KHDRBS2: variants seen among roughly 807,000 people sequenced by gnomAD.
KHDRBS2 encodes the protein KH domain-containing, RNA-binding, signal transduction-associated protein 2.
A neutral mutation model predicts 44.3 loss-of-function variants in KHDRBS2; 26 were observed. The observed-to-expected ratio is 0.59, with a 90% CI of 0.43 to 0.81. The LOEUF is 0.81. Ranked by LOEUF, KHDRBS2 falls within the 40% of genes least tolerant of loss-of-function variation. KHDRBS2 has a pLI of 0.00. For missense variants in KHDRBS2, 476 were observed against 433.1 expected, an observed-to-expected ratio of 1.10 and a Z score of -0.88; for synonymous variants, 194 against 151.1, an observed-to-expected ratio of 1.28 and a Z score of -2.08.
intron 2 of KHDRBS2, among the ~76,000 whole-genome samples, chr6:62,086,168 G>C (rs1313931198): frequency 1.3e-5 from 2 of 152,110 alleles, no homozygotes; most frequent in African/African-American, 4.8e-5. Flanking sequence ...ATATATATAA[G>C]GGTAAAGAAG....
At chr6:62,209,752 T>C (rs1195200536) in intron 1 of KHDRBS2, among the ~76,000 whole-genome samples, 2 of 152,278 alleles carry the variant, frequency 1.3e-5, no homozygotes, top group African/African-American at 4.8e-5. Flanking sequence ...GCAGAAGAAG[T>C]TGGAAGAACT....
At chr6:61,616,489 AT>A in the KHDRBS2 span, among the ~76,000 whole-genome samples, 1 of 149,476 alleles carries the variant, frequency 6.7e-6, no homozygotes, top group Non-Finnish European at 1.5e-5. Context: ...ATATATATAT[AT>A]ATATATATAA....
At chr6:61,943,018 GAA>G (rs1491429700) in intron 4 of KHDRBS2, among the ~76,000 whole-genome samples, 6 of 130,632 alleles carry the variant, frequency 4.6e-5, no homozygotes, top group Non-Finnish European at 1.6e-5. Flanking sequence ...GAGAGAGAGA[GAA>G]AGGAAGGAAG....
At chr6:62,133,879 G>A (rs560270928) in intron 2 of KHDRBS2, among the ~76,000 whole-genome samples, 7 of 152,224 alleles carry the variant, frequency 4.6e-5, no homozygotes, top group African/African-American at 1.7e-4. Flanking sequence ...GATGATTTAG[G>A]GTATCCGGTG....
intron 2 of KHDRBS2, among the ~76,000 whole-genome samples, chr6:62,114,137 C>T (rs1029860143): frequency 2.6e-5 from 4 of 152,072 alleles, no homozygotes; most frequent in East Asian, 1.9e-4. Context: ...GATTCACTTA[C>T]GTCCTACTAG....
At chr6:61,894,106 T>C (rs1802490113) in intron 6 of KHDRBS2, among the ~76,000 whole-genome samples, 1 of 152,100 alleles carries the variant, frequency 6.6e-6, no homozygotes. Flanking sequence ...GGGAGGGGGA[T>C]GCTTGGAAAC....
intron 1 of KHDRBS2, among the ~76,000 whole-genome samples, chr6:62,190,948 T>G (rs1418253867): frequency 6.6e-6 from 1 of 152,110 alleles, no homozygotes; most frequent in African/African-American, 2.4e-5. Flanking sequence ...CCCATCATTC[T>G]CACCTGAATA....
At chr6:62,099,977 T>C (rs973682145) in intron 2 of KHDRBS2, among the ~76,000 whole-genome samples, 4 of 152,218 alleles carry the variant, frequency 2.6e-5, no homozygotes, top group African/African-American at 9.6e-5. Context: ...CTGTCACAGA[T>C]AGTGATTTCT....
chr6:61,945,132 T>C (rs1192964740), intron 4 of KHDRBS2, among the ~76,000 whole-genome samples: 1 of 98,134 alleles, frequency 1.0e-5, no homozygotes, highest in Non-Finnish European at 2.1e-5. Context: ...TATATATATA[T>C]ATATATATAT....
At chr6:61,678,554 C>T (rs928528628), downstream of KHDRBS2, among the ~76,000 whole-genome samples, 1 of 151,896 alleles carries the variant, frequency 6.6e-6, no homozygotes, top group African/African-American at 2.4e-5. Context: ...TCTCCTATAA[C>T]CAAGTTTTAT....
chr6:62,130,368 T>C (rs758415614), intron 2 of KHDRBS2, among the ~76,000 whole-genome samples: 2 of 152,210 alleles, frequency 1.3e-5, no homozygotes, highest in Non-Finnish European at 2.9e-5. Context: ...TGTAATCAGA[T>C]ACCTATGCCG....
chr6:62,021,364 G>C (rs1470758667), intron 3 of KHDRBS2, among the ~76,000 whole-genome samples: 1 of 151,724 alleles, frequency 6.6e-6, no homozygotes, highest in African/African-American at 2.4e-5. Context: ...CCATGACACA[G>C]GTTTACCTAT....
intron 8 of KHDRBS2, among the ~76,000 whole-genome samples, chr6:61,694,492 T>C (rs1461223869): frequency 2.0e-5 from 3 of 152,196 alleles, no homozygotes; most frequent in Non-Finnish European, 4.4e-5. Context: ...GTTTGTGTCT[T>C]ATTCATTGAT....
chr6:61,956,158 C>A (rs903079853), intron 4 of KHDRBS2, among the ~76,000 whole-genome samples: 1 of 151,868 alleles, frequency 6.6e-6, no homozygotes, highest in Non-Finnish European at 1.5e-5. Context: ...TGCACCACTG[C>A]ACTCCAGCCT....
chr6:62,041,024 T>A (rs1432355747), intron 3 of KHDRBS2, among the ~76,000 whole-genome samples: 5 of 152,210 alleles, frequency 3.3e-5, no homozygotes, highest in East Asian at 3.9e-4. Flanking sequence ...TATATTGCAT[T>A]TGTACTTTTA....
At chr6:62,052,072 T>A (rs1374568616) in intron 2 of KHDRBS2, among the ~76,000 whole-genome samples, 1 of 152,048 alleles carries the variant, frequency 6.6e-6, no homozygotes, top group African/African-American at 2.4e-5. Flanking sequence ...CAGAAAATCC[T>A]ATGAAGGTTT....
intron 2 of KHDRBS2, among the ~76,000 whole-genome samples, chr6:62,102,301 T>C (rs1562862703): frequency 2.0e-5 from 3 of 152,128 alleles, no homozygotes; most frequent in Non-Finnish European, 2.9e-5. Context: ...CAAGACTGGG[T>C]AATTTATAAA....
At chr6:62,152,302 A>C (rs2150106313) in intron 2 of KHDRBS2, among the ~76,000 whole-genome samples, 1 of 152,306 alleles carries the variant, frequency 6.6e-6, no homozygotes, top group East Asian at 1.9e-4. Flanking sequence ...CTGGGCAACA[A>C]GAGTGAAACT....
At chr6:61,570,104 C>A in the KHDRBS2 span, among the ~76,000 whole-genome samples, 1 of 151,830 alleles carries the variant, frequency 6.6e-6, no homozygotes, top group African/African-American at 2.4e-5. Flanking sequence ...ATAAAGAATT[C>A]AGAAAGTTGA....
Sources: gnomAD v4.1 joint callset for allele counts (sites outside exome capture counted in the v4.1 genomes callset) on GRCh38, gnomAD v4.1.1 for gene constraint, MANE v1.5 for transcripts, NCBI Gene and HGNC (gene_info 2026-07-23, HGNC 2026-07-21) for gene names.